The following PTPRD variants were observed in gnomAD, a reference collection of about 807,000 sequenced individuals.
PTPRD encodes receptor-type tyrosine-protein phosphatase delta.
PTPRD carries 34 observed loss-of-function variants against 214.5 expected under a neutral mutation model. The observed-to-expected ratio is 0.16, with a 90% confidence interval of 0.12 to 0.21. The LOEUF is 0.21. PTPRD is among the 10% of genes least tolerant of loss of function. The pLI, the probability that PTPRD is intolerant of heterozygous loss-of-function variation, is 1.00. For missense variants in PTPRD, 2,545 were observed against 2,398.7 expected, an observed-to-expected ratio of 1.06 and a Z score of -1.27; for synonymous variants, 1,128 against 845.7, an observed-to-expected ratio of 1.33 and a Z score of -5.79.
At chr9:9,665,763 G>A (rs1190755212) in intron 7 of PTPRD, among the ~76,000 whole-genome samples, 2 of 151,814 alleles carry the variant, frequency 1.3e-5, no homozygotes, top group Non-Finnish European at 2.9e-5. Context: ...TTCAAAATGA[G>A]ATTGATGTTT....
At chr9:9,154,151 G>T (rs951084552) in intron 10 of PTPRD, among the ~76,000 whole-genome samples, 1 of 152,110 alleles carries the variant, frequency 6.6e-6, no homozygotes, top group Non-Finnish European at 1.5e-5. Flanking sequence ...CAGACCAAAA[G>T]AAAGACCTAA....
At chr9:9,418,053 C>A (rs1391551226) in intron 8 of PTPRD, among the ~76,000 whole-genome samples, 1 of 152,036 alleles carries the variant, frequency 6.6e-6, no homozygotes, top group African/African-American at 2.4e-5. Flanking sequence ...GTTCTGAGTC[C>A]TACAGCTTTT....
intron 3 of PTPRD, among the ~76,000 whole-genome samples, chr9:10,289,814 A>G (rs1426295596): frequency 6.6e-6 from 1 of 152,226 alleles, no homozygotes; most frequent in Non-Finnish European, 1.5e-5. Context: ...TATGTATACA[A>G]GAAATTGTAA....
chr9:8,365,060 T>C (rs759363198), intron 39 of PTPRD, among the ~76,000 whole-genome samples: 3 of 152,094 alleles, frequency 2.0e-5, no homozygotes, highest in Non-Finnish European at 2.9e-5. Context: ...GTCTGAAGAC[T>C]TGAGTCCAGC....
chr9:9,701,875 T>A (rs752015663), intron 7 of PTPRD, among the ~76,000 whole-genome samples: 6 of 152,066 alleles, frequency 3.9e-5, no homozygotes, highest in African/African-American at 1.2e-4. Flanking sequence ...TCCCAGCATT[T>A]TGGGAGGCCG....
chr9:10,277,423 G>A (rs560474461), intron 3 of PTPRD, among the ~76,000 whole-genome samples: 24 of 152,198 alleles, frequency 1.6e-4, no homozygotes, highest in African/African-American at 5.5e-4. Flanking sequence ...CCTGACTCTC[G>A]GCACCACTAG....
At chr9:8,688,169 TTTTTA>T (rs2097723281) in intron 12 of PTPRD, among the ~76,000 whole-genome samples, 1 of 152,232 alleles carries the variant, frequency 6.6e-6, no homozygotes, top group Non-Finnish European at 1.5e-5. Context: ...GACAGATGTA[TTTTTA>T]TTTTTCCTTC....
intron 10 of PTPRD, among the ~76,000 whole-genome samples, chr9:9,097,657 G>A (rs1390426216): frequency 2.6e-5 from 4 of 151,852 alleles, no homozygotes; most frequent in South Asian, 4.2e-4. Flanking sequence ...TGATCTGCCC[G>A]CCTCGGCCTC....
intron 9 of PTPRD, among the ~76,000 whole-genome samples, chr9:9,324,420 G>A (rs1968633530): frequency 1.3e-5 from 2 of 152,226 alleles, no homozygotes; most frequent in Admixed American, 6.5e-5. Flanking sequence ...TGGTTTTGAT[G>A]TGCATTTCTC....
At chr9:10,267,046 A>G (rs76186433) in intron 3 of PTPRD, among the ~76,000 whole-genome samples, 1 of 151,912 alleles carries the variant, frequency 6.6e-6, no homozygotes, top group East Asian at 1.9e-4. Context: ...AAAAAAATTA[A>G]CTGGGAGTGG....
intron 9 of PTPRD, among the ~76,000 whole-genome samples, chr9:9,301,704 G>C (rs1209749600): frequency 6.6e-6 from 1 of 151,850 alleles, no homozygotes; most frequent in East Asian, 1.9e-4. Context: ...ACTATGGACA[G>C]AACTTTCATC....
intron 12 of PTPRD, among the ~76,000 whole-genome samples, chr9:8,708,172 G>A (rs1277363839): frequency 1.3e-5 from 2 of 152,114 alleles, no homozygotes; most frequent in African/African-American, 2.4e-5. Flanking sequence ...GTTATTGAGA[G>A]TATACCATGT....
At chr9:9,527,506 G>T (rs1054716403) in intron 8 of PTPRD, among the ~76,000 whole-genome samples, 2 of 152,128 alleles carry the variant, frequency 1.3e-5, no homozygotes, top group Admixed American at 1.3e-4. Context: ...AAATTTGCTA[G>T]ATTTTTTAGG....
intron 7 of PTPRD, among the ~76,000 whole-genome samples, chr9:9,600,006 C>G (rs1416255809): frequency 1.3e-5 from 2 of 151,846 alleles, no homozygotes; most frequent in Non-Finnish European, 2.9e-5. Flanking sequence ...GGGCTTGTTT[C>G]TATAATAGGT....
intron 3 of PTPRD, among the ~76,000 whole-genome samples, chr9:10,179,372 C>A (rs951659290): frequency 1.3e-5 from 2 of 151,830 alleles, no homozygotes; most frequent in African/African-American, 4.8e-5. Flanking sequence ...AGAAAGCAGT[C>A]AATCTAGAAA....
chr9:9,283,392 G>A (rs1385550726), intron 9 of PTPRD, among the ~76,000 whole-genome samples: 1 of 151,368 alleles, frequency 6.6e-6, no homozygotes, highest in East Asian at 2.0e-4. Flanking sequence ...AGGAGGAAAT[G>A]TCCCATCTAC....
chr9:10,518,375 C>T (rs2050829862), intron 2 of PTPRD, among the ~76,000 whole-genome samples: 1 of 151,830 alleles, frequency 6.6e-6, no homozygotes, highest in South Asian at 2.1e-4. Flanking sequence ...ACATGTAGGG[C>T]AAATTTTACA....
chr9:10,008,619 C>T (rs370090712), intron 4 of PTPRD, among the ~76,000 whole-genome samples: 3 of 151,822 alleles, frequency 2.0e-5, no homozygotes, highest in African/African-American at 4.8e-5. Flanking sequence ...ATCCATTCAG[C>T]ATAAATTCCT....
intron 11 of PTPRD, among the ~76,000 whole-genome samples, chr9:8,863,205 T>C (rs912058136): frequency 1.3e-4 from 20 of 152,162 alleles, no homozygotes; most frequent in Non-Finnish European, 2.8e-4. Context: ...ACAATGCTAT[T>C]TGCTACTGGC....
Sources: gnomAD v4.1 joint callset for allele counts (sites outside exome capture counted in the v4.1 genomes callset) on GRCh38, gnomAD v4.1.1 for gene constraint, MANE v1.5 for transcripts, NCBI Gene and HGNC (gene_info 2026-07-23, HGNC 2026-07-21) for gene names.